CACNA1A: variants seen among roughly 807,000 people sequenced by gnomAD.
CACNA1A encodes voltage-dependent P/Q-type calcium channel subunit alpha-1A.
A neutral mutation model predicts 262.4 loss-of-function variants in CACNA1A; 57 were observed. That is an observed-to-expected ratio of 0.22 (90% CI 0.18 to 0.27). The LOEUF (loss-of-function observed/expected upper bound fraction) is 0.27. Ranked by LOEUF, CACNA1A falls within the 10% of genes least tolerant of loss-of-function variation. CACNA1A has a pLI of 1.00. For missense variants in CACNA1A, 2,526 were observed against 3,562.8 expected (o/e 0.71, Z 7.41); for synonymous variants, 1,431 against 1,419.3 (o/e 1.01, Z -0.18).
chr19:13,429,531 CAAAAAAAAA>C (rs35308275), intron 3 of CACNA1A, among the ~76,000 whole-genome samples: 1 of 57,216 alleles, frequency 1.7e-5, no homozygotes, highest in African/African-American at 5.5e-5. Context: ...TCAAAGCGTC[CAAAAAAAAA>C]AAAAAAAAAA....
chr19:13,305,054 T>C (rs955726576), intron 15 of CACNA1A, among the ~76,000 whole-genome samples: 1 of 152,008 alleles, frequency 6.6e-6, no homozygotes, highest in African/African-American at 2.4e-5. Flanking sequence ...CGGGTGCAAG[T>C]GGTTTGTCTG....
intron 3 of CACNA1A, among the ~76,000 whole-genome samples, chr19:13,400,283 C>T (rs576163640): frequency 6.6e-6 from 1 of 152,104 alleles, no homozygotes; most frequent in East Asian, 1.9e-4. Flanking sequence ...ACTGCACATT[C>T]GACTTTTGAC....
intron 18 of CACNA1A, among the ~76,000 whole-genome samples, chr19:13,300,079 T>A (rs2057757606): frequency 6.6e-6 from 1 of 152,118 alleles, no homozygotes; most frequent in Non-Finnish European, 1.5e-5. Context: ...TGCAGCCCCG[T>A]TCCTAATAGG....
intron 3 of CACNA1A, among the ~76,000 whole-genome samples, chr19:13,433,166 A>G (rs7252384): frequency 0.17 from 25,820 of 151,370 alleles, 2,781 homozygotes; most frequent in East Asian, 0.3. Context: ...GGTAGCAGGC[A>G]CCTGTAATCC....
In CACNA1A at chr19:13,458,753, T is replaced by C. The variant is rs1428287386; in HGVS notation, c.294-3541A>G. 2.6e-5 allele frequency among the ~76,000 whole-genome samples: 4 copies of C among 152,202 alleles called. No individual in the cohort carries two copies. The South Asian group carries it at 8.3e-4, about 32-fold the overall frequency. On this transcript the variant is annotated intron_variant, in intron 1 of 46. Coordinates refer to ENST00000360228, the MANE Select transcript of CACNA1A (RefSeq NM_001127222.2). ...ATCTTGTTCATTTCATATTAGCTCC[T>C]AACCTGCTGATCAGCTGGTAAATGG...
intron 3 of CACNA1A, among the ~76,000 whole-genome samples, chr19:13,411,700 C>T (rs1191694994): frequency 4.6e-5 from 7 of 151,512 alleles, no homozygotes; most frequent in Non-Finnish European, 1.0e-4. Flanking sequence ...CTCCTTCTCT[C>T]TCTCTCTCTC....
rs757461090 is a variant in CACNA1A at position 13,235,251 on chromosome 19, C to T, written c.5091G>A (p.Leu1697=). The change falls in exon 33 of 47, where the codon CTG becomes CTA. Residue 1697 remains leucine (L), a synonymous_variant. Transcript: ENST00000360228. The part of the protein sequence containing the change: ...SFKALPYVCL[L]IAMLFFIYAI... ...CATAGATGAAGAAGAGCATGGCGAT[C>T]AGCAGACAGACATAAGGCAGGGCCT... 6.3e-7 allele frequency: 1 copy of T among 1,599,398 alleles called. No individual in the cohort carries two copies. The highest frequency in any genetic ancestry group is 2.3e-5 in the East Asian group (1 of 44,248).
chr19:13,399,381 C>A (rs2059860642), intron 3 of CACNA1A, among the ~76,000 whole-genome samples: 1 of 142,848 alleles, frequency 7.0e-6, no homozygotes, highest in Non-Finnish European at 1.5e-5. Context: ...AGCAGAAGTC[C>A]AGATCCAAAA....
intron 19 of CACNA1A, among the ~76,000 whole-genome samples, chr19:13,295,294 T>C (rs1277656998): frequency 6.6e-6 from 1 of 152,174 alleles, no homozygotes; most frequent in African/African-American, 2.4e-5. Context: ...AACATAATGA[T>C]TGAGGGGCAC....
At position 13,506,298 on chromosome 19, in the gene CACNA1A, C is replaced by CGCTGAT; in HGVS notation, c.-80_-75dup. 2 of 1,286,754 alleles carry CGCTGAT rather than the reference C, an allele frequency of 1.6e-6. No individual in the cohort carries two copies. The highest frequency in any genetic ancestry group is 1.6e-5 in the African/African-American group (1 of 63,290). The allele number at this position is 1,286,754 out of a possible 1,614,324, so 79.7% of individuals were successfully genotyped here. A position where few individuals can be genotyped will look rare whatever the true frequency, so the allele number is the denominator to read the frequency against. ...AAGACGCCGCCGCCGCCGCCGCCGC[C>CGCTGAT]GCTGATGCTGAGGCTGCCGGGGCTG... On this transcript the variant is annotated 5_prime_UTR_variant, in exon 1 of 47. Coordinates refer to ENST00000360228, the MANE Select transcript of CACNA1A (RefSeq NM_001127222.2).
intron 28 of CACNA1A, among the ~76,000 whole-genome samples, chr19:13,255,981 C>T: frequency 6.9e-6 from 1 of 145,858 alleles, no homozygotes; most frequent in Non-Finnish European, 1.5e-5. Context: ...TCCCTCCCTC[C>T]CTCCCTCCTT....
chr19:13,389,511 C>A (rs993959357), intron 3 of CACNA1A, among the ~76,000 whole-genome samples: 1 of 152,198 alleles, frequency 6.6e-6, no homozygotes, highest in African/African-American at 2.4e-5. Flanking sequence ...CTGGGCCACA[C>A]CCCTTTGAGT....
intron 40 of CACNA1A, chr19:13,213,871 G>A (rs74181702): frequency 1.1e-5 from 2 of 189,866 alleles, no homozygotes; most frequent in Non-Finnish European, 2.2e-5. Context: ...TTTTTGTAGA[G>A]ATATGGGTCT....
chr19:13,254,757 T>C (rs934476143), intron 29 of CACNA1A, among the ~76,000 whole-genome samples: 4 of 152,094 alleles, frequency 2.6e-5, no homozygotes, highest in Non-Finnish European at 4.4e-5. Flanking sequence ...GAGGTCATCA[T>C]AAATGGGTGG....
chr19:13,286,558 G>T lies in CACNA1A; in HGVS notation c.3498C>A (p.Thr1166=), dbSNP rs781641025. Reference sequence around the variant, plus strand: ...GGCAGGCTGGGGGGATGTCCACTGTGGTGTGGTCGGGTTTCCTGGCAGTCT... The same window carrying T: ...GGCAGGCTGGGGGGATGTCCACTGTTGTGTGGTCGGGTTTCCTGGCAGTCT... ...SAKTARKPDH[T]TVDIPPACPP... Residue 1166 remains threonine, a synonymous_variant, in exon 20 of 47, where the codon ACC becomes ACA. Transcript: ENST00000360228. The T allele has an allele frequency of 6.5e-7, 1 of 1,548,994 alleles. No individual in the cohort carries two copies. The highest frequency in any genetic ancestry group is 8.7e-7 in the Non-Finnish European group (1 of 1,151,546).
chr19:13,412,903 CAT>C (rs1464654196), intron 3 of CACNA1A, among the ~76,000 whole-genome samples: 1 of 152,150 alleles, frequency 6.6e-6, no homozygotes, highest in African/African-American at 2.4e-5. Flanking sequence ...TGAAGTGGGA[CAT>C]GTTATGGTGT....
rs1018186396 is a variant in CACNA1A at position 13,214,173 on chromosome 19, G to A, written c.5940+60C>T. 119 of 1,378,332 alleles carry A rather than the reference G, an allele frequency of 8.6e-5. No individual in the cohort carries two copies. The highest frequency in any genetic ancestry group is 1.1e-4 in the Non-Finnish European group (112 of 994,734). 85.4% of individuals were successfully genotyped at this position (1,378,332 alleles called of 1,614,324 possible). On this transcript the variant is annotated intron_variant, in intron 40 of 46. Transcript: ENST00000360228. The surrounding 1 kb of genome is among the most constrained non-coding windows in gnomAD (Gnocchi z 4.1). ...CACCCTCATATTCCAGTTGGTTCCC[G>A]TGGTGACATGCAAGCCACTGTCCCC...
At chr19:13,320,755 C>T (rs1373990598) in intron 10 of CACNA1A, among the ~76,000 whole-genome samples, 1 of 152,106 alleles carries the variant, frequency 6.6e-6, no homozygotes, top group Admixed American at 6.5e-5. Flanking sequence ...TCGTTTTTCT[C>T]TGTGGTCTGG....
intron 36 of CACNA1A, chr19:13,228,908 G>T: frequency 1.8e-6 from 1 of 546,042 alleles, no homozygotes; most frequent in Non-Finnish European, 3.3e-6. Flanking sequence ...GAAGGAGTGG[G>T]AGAGACTGGG....
Sources: allele counts gnomAD v4.1 joint callset (sites outside exome capture counted in the v4.1 genomes callset), GRCh38; gene constraint gnomAD v4.1.1; non-coding constraint Gnocchi (gnomAD v3.1); transcripts MANE v1.5; gene names NCBI Gene and HGNC (gene_info 2026-07-23, HGNC 2026-07-21).